Variants in ADGB observed in about 807,000 individuals in gnomAD.
ADGB encodes calpain-7-like protein.
Under a neutral mutation model 210.5 loss-of-function variants are expected in ADGB, and 172 were observed. The observed-to-expected ratio is 0.82, with a 90% CI of 0.72 to 0.93. The LOEUF is 0.93. Among genes scored for constraint, ADGB ranks in the 40% least tolerant of loss-of-function variants. The pLI is 0.00. For missense variants in ADGB, 2,025 were observed against 1,964.8 expected (o/e 1.03, Z -0.58); for synonymous variants, 658 against 662.7 (o/e 0.99, Z 0.11).
intron 14 of ADGB, 100 bp from the exon 15 acceptor site, chr6:146,716,783 A>G (rs1776742033): frequency 1.7e-6 from 2 of 1,187,340 alleles, no homozygotes; most frequent in East Asian, 5.2e-5. Context: ...TATTTTCCCA[A>G]AAATAGACTT....
At chr6:146,697,430 A>G (rs9399583) in intron 12 of ADGB, among the ~76,000 whole-genome samples, 39,482 of 152,092 alleles carry the variant, frequency 0.26, 5,264 homozygotes, top group Admixed American at 0.32. Context: ...AGAGTGGTGA[A>G]AATTTAAAAA....
intron 29 of ADGB, among the ~76,000 whole-genome samples, chr6:146,770,839 G>A (rs1179037943): frequency 6.6e-6 from 1 of 152,072 alleles, no homozygotes; most frequent in Non-Finnish European, 1.5e-5. Context: ...TTTTTTGAAC[G>A]AGTGGCTGTG....
At chr6:146,768,520 A>T (rs943528502) in intron 28 of ADGB, among the ~76,000 whole-genome samples, 2 of 152,156 alleles carry the variant, frequency 1.3e-5, no homozygotes, top group African/African-American at 4.8e-5. Context: ...TAGGAAAATT[A>T]CATCTCCATG....
At chr6:146,691,593 C>T (rs561691595) in intron 11 of ADGB, among the ~76,000 whole-genome samples, 3 of 126,900 alleles carry the variant, frequency 2.4e-5, no homozygotes, top group African/African-American at 3.3e-5. Flanking sequence ...CTGCAAGCTC[C>T]GCCTCCCGGG....
intron 27 of ADGB, among the ~76,000 whole-genome samples, chr6:146,757,677 TA>T (rs1389358980): frequency 6.6e-6 from 1 of 151,774 alleles, no homozygotes; most frequent in African/African-American, 2.4e-5. Context: ...AGAATAATTT[TA>T]AATTATTTAA....
chr6:146,792,548 T>C (rs1432052724), intron 33 of ADGB, among the ~76,000 whole-genome samples: 2 of 151,694 alleles, frequency 1.3e-5, no homozygotes, highest in East Asian at 3.9e-4. Context: ...GCACAGACTT[T>C]TTTTTTTTTT....
chr6:146,687,635 G>T (rs1298802299), intron 10 of ADGB, among the ~76,000 whole-genome samples: 2 of 151,890 alleles, frequency 1.3e-5, no homozygotes, highest in African/African-American at 2.4e-5. Context: ...CACACAACAG[G>T]GCCTGTTGTG....
At chr6:146,759,218 C>T (rs921866364) in intron 27 of ADGB, among the ~76,000 whole-genome samples, 1 of 151,798 alleles carries the variant, frequency 6.6e-6, no homozygotes, top group Non-Finnish European at 1.5e-5. Context: ...AAAGATAAAA[C>T]TTCATTGCAA....
chr6:146,598,984 G>C lies in ADGB; in HGVS notation c.-57G>C, dbSNP rs530584289. 7 of 1,481,894 alleles carry C rather than the reference G, an allele frequency of 4.7e-6. No homozygotes were observed. In the Admixed American group the frequency reaches 5.9e-5, roughly 13 times the overall value. The allele number at this position is 1,481,894 out of a possible 1,614,324, so 91.8% of individuals were successfully genotyped here. A position where few individuals can be genotyped will look rare whatever the true frequency, so the allele number is the denominator to read the frequency against. The stretch of plus-strand genomic sequence containing the variant: ...CTCCTGGCAACGCAGACGCGGAGCC[G>C]AGCGCGCCCGCAGGCTCTTTGCTCA... On this transcript the variant is annotated 5_prime_UTR_variant, in exon 1 of 36. Transcript: ENST00000397944.
chr6:146,771,274 T>A (rs1777647940), intron 29 of ADGB, among the ~76,000 whole-genome samples: 1 of 152,108 alleles, frequency 6.6e-6, no homozygotes, highest in African/African-American at 2.4e-5. Flanking sequence ...ACCCACCTAA[T>A]GTTGCCTAAC....
chr6:146,687,054 A>G (rs1036296206), intron 10 of ADGB, among the ~76,000 whole-genome samples: 2 of 152,042 alleles, frequency 1.3e-5, no homozygotes, highest in African/African-American at 2.4e-5. Context: ...GATAAAAATA[A>G]TTCCTTCCAC....
intron 25 of ADGB, among the ~76,000 whole-genome samples, chr6:146,744,435 G>C (rs1466240367): frequency 1.3e-5 from 2 of 152,164 alleles, no homozygotes; most frequent in Non-Finnish European, 2.9e-5. Context: ...ACCTGATGTT[G>C]TGTCTTCTAA....
intron 9 of ADGB, among the ~76,000 whole-genome samples, chr6:146,683,630 A>G (rs974870901): frequency 6.6e-6 from 1 of 152,086 alleles, no homozygotes; most frequent in African/African-American, 2.4e-5. Flanking sequence ...CATCATTTCT[A>G]TAATATGTCA....
At chr6:146,749,666 C>T (rs1777290987) in intron 26 of ADGB, among the ~76,000 whole-genome samples, 1 of 152,094 alleles carries the variant, frequency 6.6e-6, no homozygotes, top group African/African-American at 2.4e-5. Flanking sequence ...GCTATAAAGA[C>T]ATACCTGAGA....
chr6:146,703,641 T>C (rs931736630), intron 13 of ADGB, among the ~76,000 whole-genome samples: 2 of 152,128 alleles, frequency 1.3e-5, no homozygotes, highest in South Asian at 4.1e-4. Context: ...AGTTTCCTTC[T>C]TTTTAAAGGC....
At chr6:146,659,331 C>T (rs1775824722) in intron 5 of ADGB, among the ~76,000 whole-genome samples, 1 of 152,168 alleles carries the variant, frequency 6.6e-6, no homozygotes, top group African/African-American at 2.4e-5. Flanking sequence ...ATCTTATACC[C>T]TACATTTATT....
In ADGB at chr6:146,807,992, G is replaced by GTTTTTT. The variant is rs369961809; in HGVS notation, c.4818+5998_4818+6003dup. Among the ~76,000 whole-genome samples the GTTTTTT allele has an allele frequency of 1.6e-4, 17 of 103,160 alleles. 1 individual carries two copies. Among genetic ancestry groups the GTTTTTT allele is most frequent in the Admixed American group, 2.5e-4 (2 of 8,006 alleles). 67.7% of individuals were successfully genotyped at this position (103,160 alleles called of 152,430 possible). ...TAAAAATACTAATAACTATGCTTCA[G>GTTTTTT]TTTTTTTTTTTTTTTTTTTTTTCTG... On this transcript the variant is annotated intron_variant, in intron 35 of 35. Coordinates refer to ENST00000397944, the MANE Select transcript of ADGB (RefSeq NM_024694.4).
intron 9 of ADGB, among the ~76,000 whole-genome samples, chr6:146,683,671 G>A (rs1288321630): frequency 1.3e-5 from 2 of 151,900 alleles, no homozygotes; most frequent in Non-Finnish European, 2.9e-5. Context: ...AGTTTCTAAA[G>A]TTATTGTTTT....
intron 17 of ADGB, among the ~76,000 whole-genome samples, chr6:146,723,921 T>C (rs752176155): frequency 1.3e-4 from 20 of 152,168 alleles, no homozygotes; most frequent in Non-Finnish European, 2.4e-4. Context: ...ATGAAAAATG[T>C]CCTCCTGATT....
Sources: allele counts gnomAD v4.1 joint callset (sites outside exome capture counted in the v4.1 genomes callset), GRCh38; gene constraint gnomAD v4.1.1; transcripts MANE v1.5; gene names NCBI Gene and HGNC (gene_info 2026-07-23, HGNC 2026-07-21).